Variants in TDRD3 observed in about 807,000 individuals in gnomAD.
The protein encoded by TDRD3 is tudor domain-containing protein 3.
Under a neutral mutation model 86.7 loss-of-function variants are expected in TDRD3, and 45 were observed. That is an observed-to-expected ratio of 0.52 (90% CI 0.41 to 0.67). The LOEUF is 0.67. Ranked by LOEUF, TDRD3 falls within the 30% of genes least tolerant of loss-of-function variation. The pLI is 0.00. For synonymous variants in TDRD3, 298 were observed against 301.7 expected, an observed-to-expected ratio of 0.99 and a Z score of 0.13; for missense variants, 814 against 889.0, an observed-to-expected ratio of 0.92 and a Z score of 1.07.
intron 12 of TDRD3, among the ~76,000 whole-genome samples, chr13:60,554,717 T>C (rs1223786231): frequency 6.6e-6 from 1 of 152,218 alleles, no homozygotes; most frequent in East Asian, 1.9e-4. Flanking sequence ...TACAGCTGAA[T>C]GGCAAAGGAG....
chr13:60,567,428 A>T, intron 12 of TDRD3, 97 bp from the exon 13 acceptor site: 2 of 1,514,856 alleles, frequency 1.3e-6, no homozygotes, highest in Non-Finnish European at 1.8e-6. Flanking sequence ...AGGGCAGCTT[A>T]AGAGAGATAT....
At chr13:60,548,510 G>C (rs1360777945) in intron 12 of TDRD3, among the ~76,000 whole-genome samples, 1 of 152,108 alleles carries the variant, frequency 6.6e-6, no homozygotes, top group Non-Finnish European at 1.5e-5. Context: ...TTACCATGGA[G>C]CATAATAACA....
intron 10 of TDRD3, among the ~76,000 whole-genome samples, chr13:60,522,924 C>T (rs1389880869): frequency 1.3e-5 from 2 of 152,026 alleles, no homozygotes; most frequent in African/African-American, 4.8e-5. Context: ...ATGGAAAAAT[C>T]ATGTGTTTTA....
At chr13:60,558,427 A>T (rs1958251156) in intron 12 of TDRD3, among the ~76,000 whole-genome samples, 1 of 152,196 alleles carries the variant, frequency 6.6e-6, no homozygotes, top group Admixed American at 6.5e-5. Context: ...CATATTTGGG[A>T]AAGTAGTTGC....
intron 1 of TDRD3, among the ~76,000 whole-genome samples, chr13:60,434,339 G>A (rs1226346434): frequency 1.3e-5 from 2 of 151,808 alleles, no homozygotes; most frequent in East Asian, 3.9e-4. Context: ...ATGGTGGAGA[G>A]TGCCTGTAAT....
chr13:60,504,747 C>T lies in TDRD3; in HGVS notation c.859-5016C>T, dbSNP rs578195206. Among the ~76,000 whole-genome samples, 23 of 152,264 alleles carry T rather than the reference C, an allele frequency of 1.5e-4. No homozygotes were observed. The East Asian group carries it at 4.5e-3, about 29-fold the overall frequency. On this transcript the variant is annotated intron_variant, in intron 8 of 13. Coordinates refer to ENST00000377881, the MANE Select transcript of TDRD3 (RefSeq NM_001146070.2). ...TTTTCAACTGAGGTACCTGGCTCAT[C>T]TCATTGGAACTGGTTAGACAGTGTG...
At chr13:60,532,575 T>C (rs1957609761) in intron 11 of TDRD3, among the ~76,000 whole-genome samples, 1 of 152,204 alleles carries the variant, frequency 6.6e-6, no homozygotes. Flanking sequence ...ATAATCTTCT[T>C]AATTGCATTG....
At chr13:60,504,110 C>A (rs1299384609) in intron 8 of TDRD3, among the ~76,000 whole-genome samples, 2 of 152,058 alleles carry the variant, frequency 1.3e-5, no homozygotes, top group Non-Finnish European at 2.9e-5. Context: ...TTTTTTAAAT[C>A]TTTTTATAAT....
chr13:60,400,118 G>T (rs1176222080), intron 1 of TDRD3, among the ~76,000 whole-genome samples: 1 of 152,192 alleles, frequency 6.6e-6, no homozygotes, highest in Non-Finnish European at 1.5e-5. Flanking sequence ...TAGTGATAAT[G>T]TTTAAATAAT....
chr13:60,396,147 T>C (rs1483398612), upstream of TDRD3, among the ~76,000 whole-genome samples: 1 of 152,146 alleles, frequency 6.6e-6, no homozygotes. Flanking sequence ...TCCAAGTCTG[T>C]TTTTGATGAT....
At chr13:60,496,439 G>A (rs190932146) in intron 8 of TDRD3, among the ~76,000 whole-genome samples, 10 of 150,066 alleles carry the variant, frequency 6.7e-5, no homozygotes, top group East Asian at 4.0e-4. Context: ...TATTTGTTTC[G>A]TTAGATTTGG....
At chr13:60,397,774 G>A (rs997571161) in intron 1 of TDRD3, among the ~76,000 whole-genome samples, 16 of 151,932 alleles carry the variant, frequency 1.1e-4, no homozygotes, top group African/African-American at 1.9e-4. Flanking sequence ...CTCCGGGGAG[G>A]GGGTGTTTCT....
Position 60,540,782 on chromosome 13 carries a change from A to G in TDRD3, c.2118+5549A>G, listed in dbSNP as rs547492686. Reference sequence around the variant, plus strand: ...ATCTATTTAAACTATATGTAAAAACATATTTAAAAGGTTTCTGGGTATTCT... The same window carrying G: ...ATCTATTTAAACTATATGTAAAAACGTATTTAAAAGGTTTCTGGGTATTCT... On this transcript the variant is annotated intron_variant, in intron 12 of 13. Coordinates refer to ENST00000377881, the MANE Select transcript of TDRD3 (RefSeq NM_001146070.2). Among the ~76,000 whole-genome samples the G allele has an allele frequency of 1.6e-4, 25 of 152,294 alleles. 1 individual carries two copies. In the South Asian group the frequency reaches 5.0e-3, roughly 30 times the overall value.
intron 12 of TDRD3, among the ~76,000 whole-genome samples, chr13:60,564,148 GT>G (rs1209656012): frequency 1.3e-5 from 2 of 152,126 alleles, no homozygotes; most frequent in Non-Finnish European, 2.9e-5. Context: ...GATAACATGG[GT>G]GAGGTAAGCA....
intron 5 of TDRD3, among the ~76,000 whole-genome samples, chr13:60,469,649 T>C (rs1006643727): frequency 6.6e-6 from 1 of 152,208 alleles, no homozygotes; most frequent in African/African-American, 2.4e-5. Flanking sequence ...GCCACAGCAA[T>C]GTAGGAAACA....
At chr13:60,517,620 T>C (rs1595057614) in intron 10 of TDRD3, among the ~76,000 whole-genome samples, 2 of 152,336 alleles carry the variant, frequency 1.3e-5, no homozygotes, top group Middle Eastern at 6.8e-3. Flanking sequence ...CTCTATGGGC[T>C]TCCCAGCCCT....
intron 4 of TDRD3, among the ~76,000 whole-genome samples, chr13:60,463,796 A>G (rs1415740369): frequency 2.0e-5 from 3 of 152,236 alleles, no homozygotes; most frequent in Non-Finnish European, 4.4e-5. Flanking sequence ...ATGAGAGATC[A>G]TCTCACACAG....
chr13:60,565,111 C>A (rs953772857), intron 12 of TDRD3, among the ~76,000 whole-genome samples: 29 of 135,938 alleles, frequency 2.1e-4, no homozygotes, highest in Non-Finnish European at 3.8e-4. Flanking sequence ...GCCGGAGTGC[C>A]GTGGCACTGT....
intron 8 of TDRD3, among the ~76,000 whole-genome samples, chr13:60,499,873 A>G (rs1326750083): frequency 6.6e-6 from 1 of 152,214 alleles, no homozygotes; most frequent in Non-Finnish European, 1.5e-5. Context: ...GGATTTATCA[A>G]GTGACCCAAA....
Sources: allele counts gnomAD v4.1 joint callset (sites outside exome capture counted in the v4.1 genomes callset), GRCh38; gene constraint gnomAD v4.1.1; transcripts MANE v1.5; gene names NCBI Gene and HGNC (gene_info 2026-07-23, HGNC 2026-07-21).